Variants in CA10 observed in about 807,000 individuals in gnomAD.
CA10 encodes carbonic anhydrase-related protein 10.
Under a neutral mutation model 44.2 loss-of-function variants are expected in CA10, and 14 were observed. The observed-to-expected ratio is 0.32, with a 90% CI of 0.21 to 0.50. CA10 has a LOEUF of 0.50. Among genes scored for constraint, CA10 ranks in the 20% least tolerant of loss-of-function variants. CA10 has a pLI of 0.99. For missense variants in CA10, 350 were observed against 409.7 expected (o/e 0.85, Z 1.26); for synonymous variants, 159 against 141.6 (o/e 1.12, Z -0.87).
chr17:51,954,977 C>A (rs1476145188), intron 2 of CA10, among the ~76,000 whole-genome samples: 3 of 152,106 alleles, frequency 2.0e-5, no homozygotes, highest in South Asian at 4.1e-4. Context: ...TCAAGATTCA[C>A]AAAAGAGATA....
intron 3 of CA10, among the ~76,000 whole-genome samples, chr17:51,767,597 G>C (rs936706750): frequency 4.6e-5 from 7 of 152,042 alleles, no homozygotes; most frequent in African/African-American, 1.7e-4. Flanking sequence ...TAGGGGTGGG[G>C]GGACAGCTTT....
chr17:51,926,641 C>A (rs1480597804), intron 3 of CA10, among the ~76,000 whole-genome samples: 1 of 152,174 alleles, frequency 6.6e-6, no homozygotes, highest in Non-Finnish European at 1.5e-5. Flanking sequence ...CTCCTTGGCT[C>A]ATGGCCCTGT....
chr17:52,156,068 A>G (rs1378639229), intron 1 of CA10, among the ~76,000 whole-genome samples: 1 of 152,190 alleles, frequency 6.6e-6, no homozygotes, highest in East Asian at 1.9e-4. Context: ...GCCTTAATCA[A>G]TGTTAACCCT....
chr17:51,670,866 TCA>T (rs2143348250), intron 4 of CA10, among the ~76,000 whole-genome samples: 1 of 152,302 alleles, frequency 6.6e-6, no homozygotes, highest in South Asian at 2.1e-4. Context: ...TGTATCCAGG[TCA>T]CACAGTTTTT....
At chr17:51,753,257 T>C (rs1904954888) in intron 3 of CA10, among the ~76,000 whole-genome samples, 1 of 152,244 alleles carries the variant, frequency 6.6e-6, no homozygotes, top group Admixed American at 6.5e-5. Flanking sequence ...ATCAATATTA[T>C]CTTGATAACT....
At chr17:51,810,772 G>T (rs984098999) in intron 3 of CA10, among the ~76,000 whole-genome samples, 2 of 152,190 alleles carry the variant, frequency 1.3e-5, no homozygotes, top group African/African-American at 2.4e-5. Flanking sequence ...AGAAAAAGTG[G>T]CCCCTTACCC....
Position 51,631,353 on chromosome 17 carries a change from T to G in CA10, c.*231A>C. On this transcript the variant is annotated 3_prime_UTR_variant, in exon 9 of 9. Coordinates refer to ENST00000451037, the MANE Select transcript of CA10 (RefSeq NM_020178.5). ...GTGTGTGTGTGTAGGTATGTTTGCATGTGTTTGTATGTATGTGCAAGTGCT... is the reference window on the plus strand; with the variant it reads ...GTGTGTGTGTGTAGGTATGTTTGCAGGTGTTTGTATGTATGTGCAAGTGCT... The G allele has an allele frequency of 1.7e-6, 1 of 573,942 alleles. No homozygotes were observed. Among genetic ancestry groups the G allele is most frequent in the Non-Finnish European group, 3.1e-6 (1 of 319,002 alleles). The allele number at this position is 573,942 out of a possible 1,614,324, so 35.6% of individuals were successfully genotyped here. A position where few individuals can be genotyped will look rare whatever the true frequency, so the allele number is the denominator to read the frequency against.
At chr17:52,056,924 T>G (rs552044795) in intron 2 of CA10, among the ~76,000 whole-genome samples, 1 of 152,224 alleles carries the variant, frequency 6.6e-6, no homozygotes, top group Admixed American at 6.6e-5. Context: ...ATAGTGCTAT[T>G]GTTTATTTTA....
chr17:51,971,014 G>A (rs1296558190), intron 2 of CA10, among the ~76,000 whole-genome samples: 1 of 151,968 alleles, frequency 6.6e-6, no homozygotes, highest in Non-Finnish European at 1.5e-5. Context: ...GGTAATTGGT[G>A]TTCATTCATT....
chr17:52,157,853 G>A lies in CA10; in HGVS notation c.-67C>T. ...GGGGGGAAGGGGGGAGCCCGACACGGCACACACACATACACACTCGCACAC... is the reference window on the plus strand; with the variant it reads ...GGGGGGAAGGGGGGAGCCCGACACGACACACACACATACACACTCGCACAC... On this transcript the variant is annotated 5_prime_UTR_variant, in exon 1 of 9. Coordinates refer to ENST00000451037, the MANE Select transcript of CA10 (RefSeq NM_020178.5). The A allele has an allele frequency of 2.4e-6, 3 of 1,249,432 alleles. No individual in the cohort carries two copies. Among genetic ancestry groups the A allele is most frequent in the Non-Finnish European group, 3.5e-6 (3 of 847,434 alleles). The allele number at this position is 1,249,432 out of a possible 1,614,324, so 77.4% of individuals were successfully genotyped here.
At chr17:52,089,953 A>T in intron 1 of CA10, among the ~76,000 whole-genome samples, 1 of 152,320 alleles carries the variant, frequency 6.6e-6, no homozygotes, top group East Asian at 1.9e-4. Flanking sequence ...CAAAATGTTA[A>T]TATTTGCTAT....
chr17:51,979,553 T>C (rs1984581845), intron 2 of CA10, among the ~76,000 whole-genome samples: 1 of 152,122 alleles, frequency 6.6e-6, no homozygotes, highest in Non-Finnish European at 1.5e-5. Flanking sequence ...ATCATTTAGC[T>C]CCCATTTATA....
At position 51,962,042 on chromosome 17, in the gene CA10, T is replaced by C. The variant is rs367733744; in HGVS notation, c.137-30910A>G. Among the ~76,000 whole-genome samples the C allele has an allele frequency of 4.6e-5, 7 of 152,326 alleles. No homozygotes were observed. The East Asian group carries it at 1.4e-3, about 29-fold the overall frequency. On this transcript the variant is annotated intron_variant, in intron 2 of 8. Coordinates refer to ENST00000451037, the MANE Select transcript of CA10 (RefSeq NM_020178.5). ...CCCAACTCCTCCTGTGCAGAGACTGTGGTGAAGCAGGGCCCTCTCTGCCCA... is the reference window on the plus strand; with the variant it reads ...CCCAACTCCTCCTGTGCAGAGACTGCGGTGAAGCAGGGCCCTCTCTGCCCA...
intron 2 of CA10, among the ~76,000 whole-genome samples, chr17:51,955,815 C>T (rs779245862): frequency 6.7e-6 from 1 of 148,332 alleles, no homozygotes; most frequent in African/African-American, 2.5e-5. Context: ...CCTCACACAC[C>T]GGGGCCTATC....
intron 3 of CA10, among the ~76,000 whole-genome samples, chr17:51,905,580 A>G (rs1598110345): frequency 8.1e-6 from 1 of 123,726 alleles, no homozygotes. Context: ...GCTGTCTTTC[A>G]TCAAACAAAC....
At chr17:51,937,193 A>G (rs1373383969) in intron 2 of CA10, among the ~76,000 whole-genome samples, 1 of 152,194 alleles carries the variant, frequency 6.6e-6, no homozygotes, top group African/African-American at 2.4e-5. Context: ...CCACTTCAAT[A>G]TAGCAATCTC....
chr17:52,044,334 C>A (rs1429342585), intron 2 of CA10, among the ~76,000 whole-genome samples: 1 of 152,012 alleles, frequency 6.6e-6, no homozygotes, highest in Non-Finnish European at 1.5e-5. Context: ...GACAGGGTCT[C>A]CCTCTGTTGC....
intron 2 of CA10, among the ~76,000 whole-genome samples, chr17:52,068,408 T>C (rs747186169): frequency 1.3e-5 from 2 of 152,232 alleles, no homozygotes; most frequent in Non-Finnish European, 2.9e-5. Context: ...CCTTTATAAG[T>C]TACCCGGTCT....
intron 2 of CA10, among the ~76,000 whole-genome samples, chr17:51,995,533 A>T (rs1985204474): frequency 6.6e-6 from 1 of 152,084 alleles, no homozygotes; most frequent in Admixed American, 6.6e-5. Context: ...GGCCACTTTA[A>T]CATTTTCCTG....
Sources: allele counts gnomAD v4.1 joint callset (sites outside exome capture counted in the v4.1 genomes callset), GRCh38; gene constraint gnomAD v4.1.1; transcripts MANE v1.5; gene names NCBI Gene and HGNC (gene_info 2026-07-23, HGNC 2026-07-21).